RAPGEF6: variants seen among roughly 807,000 people sequenced by gnomAD.
The protein encoded by RAPGEF6 is PDZ domain containing guanine nucleotide exchange factor (GEF) 2.
A neutral mutation model predicts 171.4 loss-of-function variants in RAPGEF6; 56 were observed. The observed-to-expected ratio is 0.33, with a 90% CI of 0.26 to 0.41. RAPGEF6 has a LOEUF of 0.41. RAPGEF6 is among the 10% of genes least tolerant of loss of function. The pLI is 1.00. For missense variants in RAPGEF6, 1,674 were observed against 1,921.4 expected (o/e 0.87, Z 2.41); for synonymous variants, 692 against 650.1 (o/e 1.06, Z -0.98).
At chr5:131,540,109 A>C (rs1760036237) in intron 6 of RAPGEF6, among the ~76,000 whole-genome samples, 1 of 152,232 alleles carries the variant, frequency 6.6e-6, no homozygotes, top group Non-Finnish European at 1.5e-5. Context: ...AAAGAGAGGA[A>C]GACTAGCACC....
At chr5:131,492,035 G>A (rs921974131) in intron 14 of RAPGEF6, among the ~76,000 whole-genome samples, 1 of 152,162 alleles carries the variant, frequency 6.6e-6, no homozygotes, top group Non-Finnish European at 1.5e-5. Context: ...CTTACCTAAT[G>A]CCTATACCAA....
intron 13 of RAPGEF6, among the ~76,000 whole-genome samples, chr5:131,495,083 A>G (rs1394449141): frequency 6.6e-6 from 1 of 152,172 alleles, no homozygotes; most frequent in Admixed American, 6.5e-5. Flanking sequence ...TCACGAGGTC[A>G]GGAGTTTGAG....
intron 3 of RAPGEF6, among the ~76,000 whole-genome samples, chr5:131,598,327 G>T (rs1764025376): frequency 6.6e-6 from 1 of 152,054 alleles, no homozygotes; most frequent in Admixed American, 6.6e-5. Context: ...ACAGTGTAAA[G>T]GAAATATGGG....
At chr5:131,469,735 T>A (rs1754616159) in intron 17 of RAPGEF6, 2 of 1,262,064 alleles carry the variant, frequency 1.6e-6, no homozygotes, top group Admixed American at 5.3e-5. Context: ...ATTGGACTTT[T>A]AAAAAATAAC....
At chr5:131,445,649 C>T (rs1752644289) in intron 22 of RAPGEF6, among the ~76,000 whole-genome samples, 1 of 152,018 alleles carries the variant, frequency 6.6e-6, no homozygotes, top group Admixed American at 6.6e-5. Context: ...CTGGCATGGT[C>T]CTAGCTCACT....
Position 131,426,279 on chromosome 5 carries a change from A to G in RAPGEF6, c.*987T>C, listed in dbSNP as rs987625036. On this transcript the variant is annotated 3_prime_UTR_variant, in exon 28 of 28. Coordinates refer to ENST00000509018, the MANE Select transcript of RAPGEF6 (RefSeq NM_016340.6). ...GCATAAAGTCAAATTCGTCTTCATT[A>G]TTACAACACCCATGATAAGAATTTC... is the stretch of plus-strand genomic sequence containing the variant. 1.3e-5 allele frequency: 2 copies of G among 152,312 alleles called. No homozygotes were observed. Among genetic ancestry groups the G allele is most frequent in the African/African-American group, 4.8e-5 (2 of 41,454 alleles). 9.4% of individuals were successfully genotyped at this position (152,312 alleles called of 1,614,324 possible).
At chr5:131,598,477 A>G (rs776769634) in intron 3 of RAPGEF6, among the ~76,000 whole-genome samples, 1 of 152,204 alleles carries the variant, frequency 6.6e-6, no homozygotes, top group Non-Finnish European at 1.5e-5. Flanking sequence ...AACAGAATAA[A>G]TCCAAAGAAA....
intron 16 of RAPGEF6, among the ~76,000 whole-genome samples, chr5:131,474,807 T>C (rs547284978): frequency 7.9e-5 from 12 of 152,312 alleles, no homozygotes; most frequent in Non-Finnish European, 1.3e-4. Context: ...CTTTCTTTAA[T>C]TGACTTTTGA....
intron 22 of RAPGEF6, among the ~76,000 whole-genome samples, chr5:131,444,406 GA>G (rs959163560): frequency 5.3e-5 from 8 of 152,046 alleles, no homozygotes; most frequent in South Asian, 2.1e-4. Flanking sequence ...ACAGTACAAA[GA>G]AAAAAACCTG....
At chr5:131,530,565 C>T (rs1330207816) in intron 6 of RAPGEF6, among the ~76,000 whole-genome samples, 1 of 152,068 alleles carries the variant, frequency 6.6e-6, no homozygotes, top group Non-Finnish European at 1.5e-5. Flanking sequence ...TGTTTAATTG[C>T]AATCCAGAGT....
chr5:131,613,086 G>A (rs1765034109), intron 1 of RAPGEF6, among the ~76,000 whole-genome samples: 1 of 152,184 alleles, frequency 6.6e-6, no homozygotes, highest in Non-Finnish European at 1.5e-5. Flanking sequence ...CACAACATCT[G>A]TAATGTTGAC....
At chr5:131,599,840 T>C (rs1306542075) in intron 3 of RAPGEF6, among the ~76,000 whole-genome samples, 2 of 152,220 alleles carry the variant, frequency 1.3e-5, no homozygotes, top group Non-Finnish European at 2.9e-5. Context: ...ATTTTCCAAA[T>C]GGCCAACGCA....
chr5:131,600,123 C>T (rs972787673), intron 3 of RAPGEF6, among the ~76,000 whole-genome samples: 6 of 152,250 alleles, frequency 3.9e-5, no homozygotes, highest in East Asian at 3.9e-4. Flanking sequence ...AGACTGAATG[C>T]AACAGATATG....
chr5:131,495,601 A>T lies in RAPGEF6; in HGVS notation c.1479T>A (p.Pro493=), dbSNP rs1175164767. The T allele has an allele frequency of 4.3e-6, 7 of 1,613,768 alleles. No homozygotes were observed. The highest frequency in any genetic ancestry group is 5.9e-6 in the Non-Finnish European group (7 of 1,179,890). Residue 493 remains proline, a synonymous_variant, in exon 13 of 28, where the codon CCT becomes CCA. Transcript: ENST00000509018. Reference sequence around the variant, plus strand: ...ATTCCTCTAGAAATCGAGTCATAGCAGGGTCACCTTCAAAATCATTAAAAT... The same window carrying T: ...ATTCCTCTAGAAATCGAGTCATAGCTGGGTCACCTTCAAAATCATTAAAAT... The part of the protein sequence containing the change: ...NNHFNDFEGD[P]AMTRFLEEFE...
At chr5:131,544,578 C>T (rs545312615) in intron 6 of RAPGEF6, among the ~76,000 whole-genome samples, 12 of 152,108 alleles carry the variant, frequency 7.9e-5, no homozygotes, top group Middle Eastern at 3.4e-3. Context: ...CAATGGGAGA[C>T]GACAAAACTT....
chr5:131,453,726 C>CA (rs1753276234), intron 20 of RAPGEF6, among the ~76,000 whole-genome samples: 1 of 152,186 alleles, frequency 6.6e-6, no homozygotes, highest in African/African-American at 2.4e-5. Context: ...TGAGGTCTGT[C>CA]AAAGTCCAAG....
intron 6 of RAPGEF6, among the ~76,000 whole-genome samples, chr5:131,528,334 TATATACACAC>T (rs774614142): frequency 5.3e-5 from 2 of 37,990 alleles, no homozygotes; most frequent in African/African-American, 1.4e-4. Context: ...TATATATATA[TATATACACAC>T]ACACACACAT....
Position 131,430,985 on chromosome 5 carries a change from A to G in RAPGEF6, c.4339T>C (p.Tyr1447His). The G allele has an allele frequency of 6.2e-7, 1 of 1,614,168 alleles. No individual in the cohort carries two copies. The highest frequency in any genetic ancestry group is 8.5e-7 in the Non-Finnish European group (1 of 1,180,008). Residue 1447 changes from tyrosine (Y) to histidine (H), a missense_variant, in exon 26 of 28, where the codon TAT (tyrosine) becomes CAT (histidine). Physicochemically the swap from Tyr to His is moderately conservative, Grantham distance 83 (BLOSUM62 2). Around this residue, in one of 3 missense-constraint regions of RAPGEF6, gnomAD observed 552 missense variants for 574.2 expected, o/e 0.96. Coordinates refer to ENST00000509018, the MANE Select transcript of RAPGEF6 (RefSeq NM_016340.6). ...AATACTCTCTGTTTAACTGTCCCAT[A>G]GTTTGGTTCATACGTGTCAGACAGA... is the stretch of plus-strand genomic sequence containing the variant. ...SSLSDTYEPNYGTVKQRVLES... is the reference protein window; with the variant it reads ...SSLSDTYEPNHGTVKQRVLES...
Position 131,617,397 on chromosome 5 carries a change from T to A in RAPGEF6, c.70-12704A>T, listed in dbSNP as rs577728597. On this transcript the variant is annotated intron_variant, in intron 1 of 27. Coordinates refer to ENST00000509018, the MANE Select transcript of RAPGEF6 (RefSeq NM_016340.6). ...TAGTTACTACTTGTGTAAACTTGGA[T>A]AATCTGCTTAACGTTTATTATCTGT... is the stretch of plus-strand genomic sequence containing the variant. 5.9e-5 allele frequency among the ~76,000 whole-genome samples: 9 copies of A among 152,368 alleles called. No homozygotes were observed. The East Asian group carries it at 1.7e-3, about 29-fold the overall frequency.
Sources: gnomAD v4.1 joint callset for allele counts (sites outside exome capture counted in the v4.1 genomes callset) on GRCh38, gnomAD v4.1.1 for gene constraint, gnomAD v4.1.1 regional missense constraint, MANE v1.5 for transcripts, NCBI Gene and HGNC (gene_info 2026-07-23, HGNC 2026-07-21) for gene names.